Variants in SUCLG2 observed in about 807,000 individuals in gnomAD.
SUCLG2 encodes the protein succinate-CoA ligase GDP-forming subunit beta.
A neutral mutation model predicts 47.9 loss-of-function variants in SUCLG2; 42 were observed. That is an observed-to-expected ratio of 0.88 (90% CI 0.69 to 1.14). The LOEUF is 1.14. Among genes scored for constraint, SUCLG2 ranks in the 50% most tolerant of loss-of-function variants. The pLI, the probability that SUCLG2 is intolerant of heterozygous loss-of-function variation, is 0.00. For missense variants in SUCLG2, 571 were observed against 525.9 expected, an observed-to-expected ratio of 1.09 and a Z score of -0.84; for synonymous variants, 195 against 197.3, an observed-to-expected ratio of 0.99 and a Z score of 0.10.
chr3:67,654,427 G>A, intron 1 of SUCLG2, 76 bp downstream of exon 1: 2 of 1,146,490 alleles, frequency 1.7e-6, no homozygotes, highest in Non-Finnish European at 2.2e-6. Flanking sequence ...CGGAGACCAA[G>A]AGTAGCAGGG....
intron 9 of SUCLG2, among the ~76,000 whole-genome samples, chr3:67,464,665 C>T (rs73836527): frequency 0.023 from 3,547 of 152,268 alleles, 80 homozygotes; most frequent in African/African-American, 0.059. Context: ...ACTGTCACAA[C>T]GAGAAAATAT....
chr3:67,650,976 G>C (rs1354923848), intron 1 of SUCLG2, among the ~76,000 whole-genome samples: 2 of 152,032 alleles, frequency 1.3e-5, no homozygotes, highest in Non-Finnish European at 2.9e-5. Context: ...GGCAGTGCCT[G>C]GCTATATTAC....
chr3:67,413,707 G>GA (rs1242453151), intron 9 of SUCLG2, among the ~76,000 whole-genome samples: 5 of 152,196 alleles, frequency 3.3e-5, no homozygotes, highest in Non-Finnish European at 7.3e-5. Flanking sequence ...GGCTTTTCTA[G>GA]GAACTGAGCA....
rs1222678594 is a variant in SUCLG2, at chr3:67,375,147, G to A, written c.*597C>T. 5 of 984,612 alleles carry A rather than the reference G, an allele frequency of 5.1e-6. No homozygotes were observed. In the East Asian group the frequency reaches 5.7e-4, roughly 112 times the overall value. 61.0% of individuals were successfully genotyped at this position (984,612 alleles called of 1,614,324 possible). ...AACACATGGATGGTATATTAATGCA[G>A]ATATTCCATTATTAAATATATTTTG... On this transcript the variant is annotated 3_prime_UTR_variant, in exon 11 of 11. Transcript: ENST00000307227.
At chr3:67,488,386 A>T (rs1362363972) in intron 9 of SUCLG2, among the ~76,000 whole-genome samples, 2 of 152,162 alleles carry the variant, frequency 1.3e-5, no homozygotes, top group Non-Finnish European at 2.9e-5. Context: ...AAAGAGGAAA[A>T]AAAGGATTCA....
chr3:67,469,219 T>C (rs1161045188), intron 9 of SUCLG2, among the ~76,000 whole-genome samples: 1 of 152,134 alleles, frequency 6.6e-6, no homozygotes, highest in Admixed American at 6.5e-5. Context: ...TGGTAAGCAT[T>C]TTGAGCTGTA....
At chr3:67,523,111 T>C (rs933910798) in intron 4 of SUCLG2, among the ~76,000 whole-genome samples, 11 of 152,300 alleles carry the variant, frequency 7.2e-5, no homozygotes, top group South Asian at 2.1e-4. Context: ...ACAAGTAGTT[T>C]AGTGATGGGT....
chr3:67,370,633 T>A (rs556303507), downstream of SUCLG2, among the ~76,000 whole-genome samples: 136 of 152,320 alleles, frequency 8.9e-4, no homozygotes, highest in Middle Eastern at 0.014. Context: ...TAGACATATA[T>A]CCTTATGGAA....
At chr3:67,537,106 C>T (rs1430722047) in intron 2 of SUCLG2, among the ~76,000 whole-genome samples, 1 of 152,120 alleles carries the variant, frequency 6.6e-6, no homozygotes, top group Non-Finnish European at 1.5e-5. Flanking sequence ...TGGTTTGTTA[C>T]ATAGGTATAC....
At chr3:67,551,494 C>T (rs897511782) in intron 2 of SUCLG2, among the ~76,000 whole-genome samples, 1 of 152,180 alleles carries the variant, frequency 6.6e-6, no homozygotes, top group African/African-American at 2.4e-5. Flanking sequence ...CCGTCTGGAG[C>T]TGCTCAACTT....
downstream of SUCLG2, among the ~76,000 whole-genome samples, chr3:67,372,954 C>A (rs1701973559): frequency 2.0e-5 from 3 of 152,242 alleles, no homozygotes; most frequent in South Asian, 4.1e-4. Flanking sequence ...TAGCCACAGA[C>A]AACATGCACA....
At chr3:67,450,901 C>T (rs1290037293) in intron 9 of SUCLG2, among the ~76,000 whole-genome samples, 3 of 152,200 alleles carry the variant, frequency 2.0e-5, no homozygotes, top group Non-Finnish European at 2.9e-5. Flanking sequence ...AAATGCCATT[C>T]ACAACCTGGC....
intron 9 of SUCLG2, among the ~76,000 whole-genome samples, chr3:67,442,266 TC>T (rs1303193945): frequency 6.6e-6 from 1 of 152,124 alleles, no homozygotes; most frequent in African/African-American, 2.4e-5. Context: ...CGCCTCGGCC[TC>T]CCAAAGTGCT....
At chr3:67,380,683 G>T (rs1162581984) in intron 10 of SUCLG2, among the ~76,000 whole-genome samples, 1 of 91,390 alleles carries the variant, frequency 1.1e-5, no homozygotes, top group Non-Finnish European at 2.5e-5. Flanking sequence ...AGGGGAAAGG[G>T]GGGTAGAGAG....
intron 9 of SUCLG2, among the ~76,000 whole-genome samples, chr3:67,417,937 G>A (rs1703071787): frequency 6.6e-6 from 1 of 152,090 alleles, no homozygotes; most frequent in Admixed American, 6.6e-5. Flanking sequence ...TATACTGGGG[G>A]ACCTCATCTG....
intron 9 of SUCLG2, among the ~76,000 whole-genome samples, chr3:67,472,672 CA>C: frequency 6.6e-6 from 1 of 152,088 alleles, no homozygotes; most frequent in East Asian, 1.9e-4. Context: ...TGACAGAAGC[CA>C]ATCAATCTTA....
intron 2 of SUCLG2, among the ~76,000 whole-genome samples, chr3:67,604,761 G>C (rs1708491600): frequency 6.6e-6 from 1 of 152,150 alleles, no homozygotes; most frequent in Non-Finnish European, 1.5e-5. Flanking sequence ...TGCAGCTTCA[G>C]GCACAAAGAA....
At chr3:67,573,891 G>A (rs540603774) in intron 2 of SUCLG2, among the ~76,000 whole-genome samples, 1 of 152,090 alleles carries the variant, frequency 6.6e-6, no homozygotes, top group Non-Finnish European at 1.5e-5. Context: ...GCTGAACTAA[G>A]GAAAAGTCCT....
At chr3:67,503,063 T>C (rs1403553751) in intron 7 of SUCLG2, among the ~76,000 whole-genome samples, 1 of 152,170 alleles carries the variant, frequency 6.6e-6, no homozygotes, top group East Asian at 1.9e-4. Flanking sequence ...GATTGGAACA[T>C]AGCCTCGTTC....
Sources: gnomAD v4.1 joint callset for allele counts (sites outside exome capture counted in the v4.1 genomes callset) on GRCh38, gnomAD v4.1.1 for gene constraint, MANE v1.5 for transcripts, NCBI Gene and HGNC (gene_info 2026-07-23, HGNC 2026-07-21) for gene names.